Variants in NRXN1 observed in about 807,000 individuals in gnomAD.
The protein encoded by NRXN1 is neurexin 1, also known as neurexin-1.
A neutral mutation model predicts 150.9 loss-of-function variants in NRXN1; 39 were observed. The observed-to-expected ratio is 0.26, with a 90% CI of 0.20 to 0.34. NRXN1 has a LOEUF of 0.34. Among genes scored for constraint, NRXN1 ranks in the 10% least tolerant of loss-of-function variants. The probability of loss-of-function intolerance (pLI) is 1.00; values close to 1 mark genes in which losing one functional copy is unlikely to be tolerated. For missense variants in NRXN1, 1,815 were observed against 1,949.9 expected, an observed-to-expected ratio of 0.93 and a Z score of 1.30; for synonymous variants, 924 against 757.0, an observed-to-expected ratio of 1.22 and a Z score of -3.62.
chr2:50,663,927 C>A (rs954820184), intron 5 of NRXN1, among the ~76,000 whole-genome samples: 2 of 151,864 alleles, frequency 1.3e-5, no homozygotes, highest in African/African-American at 4.8e-5. Flanking sequence ...TAGCTGAAAC[C>A]CTGCTTTCTG....
chr2:50,567,006 A>G (rs935661730), intron 8 of NRXN1, among the ~76,000 whole-genome samples: 8 of 152,096 alleles, frequency 5.3e-5, no homozygotes, highest in Non-Finnish European at 1.0e-4. Context: ...TAATATTAAT[A>G]ATAATAATCC....
intron 17 of NRXN1, among the ~76,000 whole-genome samples, chr2:50,260,099 C>T (rs891180476): frequency 6.6e-6 from 1 of 151,814 alleles, no homozygotes; most frequent in African/African-American, 2.4e-5. Context: ...TATTTTAAAG[C>T]ATTTCCCTAA....
intron 5 of NRXN1, among the ~76,000 whole-genome samples, chr2:50,652,358 A>G (rs1202935149): frequency 6.6e-6 from 1 of 152,046 alleles, no homozygotes; most frequent in Non-Finnish European, 1.5e-5. Context: ...CATTGCACCA[A>G]AAAGAAACTT....
At chr2:50,449,865 A>T (rs2086799639) in intron 17 of NRXN1, among the ~76,000 whole-genome samples, 1 of 152,134 alleles carries the variant, frequency 6.6e-6, no homozygotes, top group Non-Finnish European at 1.5e-5. Context: ...ACCATACATC[A>T]TCTTTAATTC....
chr2:50,037,375 C>A (rs972014803), intron 21 of NRXN1, among the ~76,000 whole-genome samples: 1 of 151,930 alleles, frequency 6.6e-6, no homozygotes, highest in Non-Finnish European at 1.5e-5. Context: ...GGCTAATAAC[C>A]AAAATCTTCC....
intron 17 of NRXN1, among the ~76,000 whole-genome samples, chr2:50,416,382 C>T (rs2083540988): frequency 6.6e-6 from 1 of 152,060 alleles, no homozygotes; most frequent in African/African-American, 2.4e-5. Context: ...GGCCTCTGTA[C>T]CTACCTTAAG....
intron 16 of NRXN1, among the ~76,000 whole-genome samples, chr2:50,471,972 A>G (rs776468344): frequency 1.6e-4 from 24 of 151,998 alleles, no homozygotes; most frequent in Non-Finnish European, 3.1e-4. Flanking sequence ...CTATAAAGCA[A>G]GCATCGTAGA....
rs1701649739 is a variant in NRXN1, at chr2:50,106,423, T to A, written c.3547-14929A>T. Among the ~76,000 whole-genome samples the A allele has an allele frequency of 1.3e-5, 2 of 152,040 alleles. 1 individual carries two copies. Among genetic ancestry groups the A allele is most frequent in the South Asian group, 4.1e-4 (2 of 4,834 alleles). On this transcript the variant is annotated intron_variant, in intron 18 of 22. Coordinates refer to ENST00000401669, the MANE Select transcript of NRXN1 (RefSeq NM_001330078.2). ...TCCTTAATCAAAGAATATGCTTTGA[T>A]GTGAACAAAAGAGAGAAGAATATTT...
At chr2:50,511,206 A>G (rs1302693122) in intron 12 of NRXN1, among the ~76,000 whole-genome samples, 1 of 152,054 alleles carries the variant, frequency 6.6e-6, no homozygotes, top group Non-Finnish European at 1.5e-5. Flanking sequence ...GATTACAGGC[A>G]CCCACTACCA....
chr2:50,606,250 GAAAAA>G (rs1203771076), intron 8 of NRXN1, among the ~76,000 whole-genome samples: 1 of 75,514 alleles, frequency 1.3e-5, no homozygotes, highest in African/African-American at 5.0e-5. Context: ...CTCTGTTTCA[GAAAAA>G]AAAAAAAAAA....
chr2:50,025,276 C>G (rs188853785), intron 21 of NRXN1, among the ~76,000 whole-genome samples: 1 of 152,296 alleles, frequency 6.6e-6, no homozygotes, highest in South Asian at 2.1e-4. Context: ...TATCCAACCA[C>G]GGCTTTACAA....
intron 18 of NRXN1, among the ~76,000 whole-genome samples, chr2:50,184,602 T>C (rs917727653): frequency 1.3e-5 from 2 of 152,012 alleles, no homozygotes; most frequent in Non-Finnish European, 2.9e-5. Flanking sequence ...TACTCCACTA[T>C]CATAATGGTG....
At chr2:50,836,192 G>A (rs1185845307) in intron 5 of NRXN1, among the ~76,000 whole-genome samples, 3 of 151,912 alleles carry the variant, frequency 2.0e-5, no homozygotes, top group Non-Finnish European at 4.4e-5. Flanking sequence ...CCTCCCTTTT[G>A]TTTTGTTTAG....
chr2:50,091,384 C>T lies in NRXN1; in HGVS notation c.3657G>A (p.Arg1219=). The T allele has an allele frequency of 6.2e-7, 1 of 1,614,224 alleles. No individual in the cohort carries two copies. The highest frequency in any genetic ancestry group is 8.5e-7 in the Non-Finnish European group (1 of 1,180,038). Residue 1219 remains arginine, a synonymous_variant, in exon 19 of 23, where the codon AGG becomes AGA. Transcript: ENST00000401669. ...DGKYHVVRFT[R]SGGNATLQVD... ...CCTGCAACGTGGCATTGCCACCACT[C>T]CTCGTGAAACGAACTACATGGTATT...
chr2:50,966,356 A>T (rs908099485), intron 2 of NRXN1, among the ~76,000 whole-genome samples: 7 of 150,918 alleles, frequency 4.6e-5, no homozygotes, highest in African/African-American at 1.5e-4. Flanking sequence ...AAAAAAAAAA[A>T]CTCTAATAAC....
chr2:50,650,847 G>A (rs1295354100), intron 5 of NRXN1, among the ~76,000 whole-genome samples: 1 of 151,996 alleles, frequency 6.6e-6, no homozygotes, highest in African/African-American at 2.4e-5. Context: ...CTTTAGCACT[G>A]TCTAGCTTAA....
chr2:50,447,348 C>T (rs2086509587), intron 17 of NRXN1, among the ~76,000 whole-genome samples: 1 of 151,098 alleles, frequency 6.6e-6, no homozygotes, highest in Non-Finnish European at 1.5e-5. Context: ...GGTGTGGTGG[C>T]ACACACCTGT....
intron 12 of NRXN1, among the ~76,000 whole-genome samples, chr2:50,519,596 G>C (rs1156673940): frequency 6.6e-6 from 1 of 151,916 alleles, no homozygotes; most frequent in Admixed American, 6.6e-5. Context: ...TAGAAATGTT[G>C]AGTTATGTCT....
rs11892853 is a variant in NRXN1, at chr2:49,988,213, G to A, written c.4129-44422C>T. Among the ~76,000 whole-genome samples the A allele has an allele frequency of 6.2e-3, 942 of 151,510 alleles. 10 individuals are homozygous for A. The highest frequency in any genetic ancestry group is 0.021 in the African/African-American group (881 of 41,292). On this transcript the variant is annotated intron_variant, in intron 21 of 22. Transcript: ENST00000401669. ...TAATAAATAATTTCTTTGACTCTTTGAAAATGGTTCCATTATCTCCTGATC... is the reference window on the plus strand; with the variant it reads ...TAATAAATAATTTCTTTGACTCTTTAAAAATGGTTCCATTATCTCCTGATC...
Sources: gnomAD v4.1 joint callset for allele counts (sites outside exome capture counted in the v4.1 genomes callset) on GRCh38, gnomAD v4.1.1 for gene constraint, MANE v1.5 for transcripts, NCBI Gene and HGNC (gene_info 2026-07-23, HGNC 2026-07-21) for gene names.